The following PTPRQ variants were observed in gnomAD, a reference collection of about 807,000 sequenced individuals.
The protein encoded by PTPRQ is protein tyrosine phosphatase receptor type Q.
A neutral mutation model predicts 246.0 loss-of-function variants in PTPRQ; 199 were observed. The observed-to-expected ratio is 0.81, with a 90% CI of 0.72 to 0.91. The LOEUF (loss-of-function observed/expected upper bound fraction) is 0.91. Ranked by LOEUF, PTPRQ falls within the 40% of genes least tolerant of loss-of-function variation. PTPRQ has a pLI of 0.00. For missense variants in PTPRQ, 2,624 were observed against 2,528.4 expected, an observed-to-expected ratio of 1.04 and a Z score of -0.81; for synonymous variants, 869 against 853.2, an observed-to-expected ratio of 1.02 and a Z score of -0.32.
chr12:80,559,773 A>G (rs1277842233), intron 25 of PTPRQ, among the ~76,000 whole-genome samples: 1 of 152,162 alleles, frequency 6.6e-6, no homozygotes, highest in Non-Finnish European at 1.5e-5. Flanking sequence ...AATTTGAGAA[A>G]TATATTCTAT....
intron 17 of PTPRQ, among the ~76,000 whole-genome samples, chr12:80,513,399 C>T (rs773431461): frequency 6.6e-6 from 1 of 152,138 alleles, no homozygotes; most frequent in Non-Finnish European, 1.5e-5. Flanking sequence ...TCAGTGTGTG[C>T]TGTTAGGCCG....
intron 19 of PTPRQ, among the ~76,000 whole-genome samples, chr12:80,535,390 G>A (rs970518136): frequency 3.9e-5 from 6 of 151,912 alleles, no homozygotes; most frequent in Non-Finnish European, 8.8e-5. Flanking sequence ...TATCCTCAAA[G>A]TTATTTATTA....
At chr12:80,445,446 C>A in intron 2 of PTPRQ, 45 bp from the exon 3 acceptor site, 1 of 1,190,574 alleles carries the variant, frequency 8.4e-7, no homozygotes, top group Non-Finnish European at 1.2e-6. Context: ...TGTGAAAATG[C>A]AATAATTATT....
intron 25 of PTPRQ, among the ~76,000 whole-genome samples, chr12:80,565,929 A>G (rs1318023217): frequency 6.6e-6 from 1 of 152,174 alleles, no homozygotes; most frequent in Admixed American, 6.5e-5. Flanking sequence ...TGCAGCCACT[A>G]TGAGATTAAA....
At chr12:80,659,937 T>C (rs1479234089) in intron 39 of PTPRQ, among the ~76,000 whole-genome samples, 1 of 152,054 alleles carries the variant, frequency 6.6e-6, no homozygotes, top group Non-Finnish European at 1.5e-5. Context: ...TTGCTCAGGA[T>C]GTCAAGAACA....
intron 3 of PTPRQ, among the ~76,000 whole-genome samples, chr12:80,452,497 C>T (rs1427828884): frequency 1.3e-5 from 2 of 152,176 alleles, no homozygotes; most frequent in South Asian, 2.1e-4. Context: ...TTTTCAGTGG[C>T]TGGTACCGGT....
At chr12:80,585,888 C>T (rs1897599628) in intron 25 of PTPRQ, among the ~76,000 whole-genome samples, 1 of 115,920 alleles carries the variant, frequency 8.6e-6, no homozygotes, top group Non-Finnish European at 1.7e-5. Context: ...CCCCCCTCCC[C>T]CCACCCCACA....
intron 10 of PTPRQ, among the ~76,000 whole-genome samples, chr12:80,494,475 C>G (rs1217305012): frequency 6.6e-6 from 1 of 151,924 alleles, no homozygotes; most frequent in African/African-American, 2.4e-5. Flanking sequence ...TTTACTAAAA[C>G]CTGGTATTGA....
chr12:80,558,728 C>A (rs906815683), intron 25 of PTPRQ, among the ~76,000 whole-genome samples: 6 of 152,068 alleles, frequency 3.9e-5, no homozygotes, highest in Admixed American at 3.9e-4. Flanking sequence ...AGGAATTGTA[C>A]CCCTTTAAAT....
chr12:80,566,829 T>G (rs1175207073), intron 25 of PTPRQ, among the ~76,000 whole-genome samples: 1 of 152,206 alleles, frequency 6.6e-6, no homozygotes, highest in Non-Finnish European at 1.5e-5. Flanking sequence ...CATGAGACAC[T>G]GTGACTGGCC....
chr12:80,655,149 A>G (rs1900390644), intron 38 of PTPRQ, among the ~76,000 whole-genome samples: 1 of 152,132 alleles, frequency 6.6e-6, no homozygotes. Context: ...TCTTAAAGTA[A>G]TAAAAAGGAC....
chr12:80,530,674 G>C (rs1483984299), intron 17 of PTPRQ, among the ~76,000 whole-genome samples: 1 of 152,002 alleles, frequency 6.6e-6, no homozygotes, highest in Non-Finnish European at 1.5e-5. Context: ...CTCACAGCCA[G>C]GAATGGCTAA....
At chr12:80,585,478 TCTC>T (rs1267166617) in intron 25 of PTPRQ, among the ~76,000 whole-genome samples, 3 of 152,138 alleles carry the variant, frequency 2.0e-5, no homozygotes, top group African/African-American at 7.2e-5. Context: ...TTTAGTCTGT[TCTC>T]AACACAGTAG....
chr12:80,472,185 A>G lies in PTPRQ; in HGVS notation c.1120A>G (p.Ile374Val). ...LTPFTMYDVY[I>V]AAETSAGTGP... Reference sequence around the variant, plus strand: ...ACCATTTACAATGTATGATGTCTATATTGCGGCTGAAACCAGTGCAGGGAC... The same window carrying G: ...ACCATTTACAATGTATGATGTCTATGTTGCGGCTGAAACCAGTGCAGGGAC... Residue 374 changes from isoleucine to valine, a missense_variant, in exon 8 of 45, where the codon ATT becomes GTT. Ile to Val is a conservative substitution (Grantham distance 29, BLOSUM62 3). Transcript: ENST00000644991. 6.4e-7 allele frequency: 1 copy of G among 1,551,628 alleles called. No homozygotes were observed. The highest frequency in any genetic ancestry group is 2.4e-5 in the East Asian group (1 of 40,912).
At chr12:80,641,546 T>G (rs1160247020) in intron 35 of PTPRQ, among the ~76,000 whole-genome samples, 6 of 152,196 alleles carry the variant, frequency 3.9e-5, no homozygotes, top group African/African-American at 1.4e-4. Flanking sequence ...TAAGTAACCT[T>G]GTTTTAACTT....
chr12:80,595,867 CATTA>C (rs1316409523), intron 26 of PTPRQ, among the ~76,000 whole-genome samples: 3 of 151,676 alleles, frequency 2.0e-5, no homozygotes, highest in Non-Finnish European at 4.4e-5. Flanking sequence ...TTTTCCTTTT[CATTA>C]ATTAACATAA....
At chr12:80,493,499 AGTG>A in intron 10 of PTPRQ, 44 bp downstream of exon 10, 1 of 1,517,252 alleles carries the variant, frequency 6.6e-7, no homozygotes, top group Admixed American at 2.1e-5. Flanking sequence ...TTAAACCACC[AGTG>A]CTAGCTAGCA....
chr12:80,634,934 G>T lies in PTPRQ; in HGVS notation c.5787-11G>T, dbSNP rs999763932. On this transcript the variant is annotated splice_polypyrimidine_tract_variant and intron_variant, in intron 34 of 44. Coordinates refer to ENST00000644991, the MANE Select transcript of PTPRQ (RefSeq NM_001145026.2). ...AAACTCCCTTCTTGGACTTTACTCC[G>T]CTTGTTTTAGAATTCGACAGAAGCA... is the stretch of plus-strand genomic sequence containing the variant. 2 of 1,548,188 alleles carry T rather than the reference G, an allele frequency of 1.3e-6. No homozygotes were observed. The highest frequency in any genetic ancestry group is 1.7e-6 in the Non-Finnish European group (2 of 1,145,340).
chr12:80,555,198 G>A (rs925819450), intron 25 of PTPRQ, among the ~76,000 whole-genome samples: 5 of 151,988 alleles, frequency 3.3e-5, no homozygotes, highest in Non-Finnish European at 7.4e-5. Context: ...TTACAGGCGT[G>A]AGCCACCGCT....
Sources: gnomAD v4.1 joint callset for allele counts (sites outside exome capture counted in the v4.1 genomes callset) on GRCh38, gnomAD v4.1.1 for gene constraint, MANE v1.5 for transcripts, NCBI Gene and HGNC (gene_info 2026-07-23, HGNC 2026-07-21) for gene names.